Variants in CACNA2D4 observed in about 807,000 individuals in gnomAD.
CACNA2D4 encodes calcium voltage-gated channel auxiliary subunit alpha2delta 4.
Under a neutral mutation model 163.8 loss-of-function variants are expected in CACNA2D4, and 157 were observed. That is an observed-to-expected ratio of 0.96 (90% CI 0.84 to 1.09). The LOEUF is 1.09. CACNA2D4 is among the 50% of genes least tolerant of loss of function. CACNA2D4 has a pLI of 0.00. For missense variants in CACNA2D4, 1,410 were observed against 1,479.9 expected, an observed-to-expected ratio of 0.95 and a Z score of 0.78; for synonymous variants, 598 against 586.9, an observed-to-expected ratio of 1.02 and a Z score of -0.27.
chr12:1,800,164 C>A, intron 32 of CACNA2D4, 112 bp from the exon 33 acceptor site: 1 of 1,125,094 alleles, frequency 8.9e-7, no homozygotes, highest in Non-Finnish European at 1.3e-6. Context: ...CTCCAGGACA[C>A]CCTCTTCCCT....
chr12:1,876,275 A>C (rs746198444), intron 16 of CACNA2D4, among the ~76,000 whole-genome samples: 2 of 152,212 alleles, frequency 1.3e-5, no homozygotes, highest in African/African-American at 2.4e-5. Flanking sequence ...AAATATTTGA[A>C]TGGGACGGAG....
intron 6 of CACNA2D4, among the ~76,000 whole-genome samples, chr12:1,890,819 C>T (rs1170453889): frequency 6.6e-6 from 1 of 152,162 alleles, no homozygotes; most frequent in Non-Finnish European, 1.5e-5. Context: ...GCCCACTCTA[C>T]CATCGTTGGC....
At chr12:1,809,680 C>CA in intron 29 of CACNA2D4, 1 of 643,134 alleles carries the variant, frequency 1.6e-6, no homozygotes, top group Non-Finnish European at 2.8e-6. Context: ...GAGATACCCA[C>CA]AGCCAGCGGG....
Position 1,878,262 on chromosome 12 carries a change from A to G in CACNA2D4, c.1719+53T>C. On this transcript the variant is annotated intron_variant, in intron 16 of 37. Coordinates refer to ENST00000382722, the MANE Select transcript of CACNA2D4 (RefSeq NM_172364.5). This position sits in a 1 kb window ranked among gnomAD's most constrained non-coding sequence, Gnocchi z 4.6. ...GTTGTTTTAATCGTTTTTGTGAATT[A>G]CCCCCAAATCCCATACAGTAAGGAT... is the stretch of plus-strand genomic sequence containing the variant. 1 of 1,563,648 alleles carries G rather than the reference A, an allele frequency of 6.4e-7. No individual in the cohort carries two copies. The highest frequency in any genetic ancestry group is 1.2e-5 in the South Asian group (1 of 85,210).
At chr12:1,800,129 G>T in intron 32 of CACNA2D4, 77 bp from the exon 33 acceptor site, 1 of 1,410,376 alleles carries the variant, frequency 7.1e-7, no homozygotes, top group Non-Finnish European at 9.8e-7. Context: ...GAGTATCCCT[G>T]ACAGCCCCCG....
At chr12:1,890,926 G>A (rs1240990579) in intron 6 of CACNA2D4, among the ~76,000 whole-genome samples, 3 of 152,184 alleles carry the variant, frequency 2.0e-5, no homozygotes, top group Admixed American at 1.3e-4. Context: ...CCACTGTCCT[G>A]GGGACTGAAC....
chr12:1,879,860 T>C lies in CACNA2D4; in HGVS notation c.1507A>G (p.Ser503Gly). 2 of 1,600,838 alleles carry C rather than the reference T, an allele frequency of 1.2e-6. No homozygotes were observed. The highest frequency in any genetic ancestry group is 1.7e-6 in the Non-Finnish European group (2 of 1,173,898). ...DSKLLSSQAQ[S>G]LTLLTTVAMP... is the part of the protein sequence containing the mutation. ...GCCACAGTGGTGAGCAGTGTCAGGC[T>C]CTGAGCCTGCGAGCTGAGGAGCTGT... Residue 503 changes from serine to glycine, a missense_variant, in exon 14 of 38, where the codon AGC (serine) becomes GGC (glycine). Ser to Gly is a moderately conservative substitution (Grantham distance 56, BLOSUM62 0). Transcript: ENST00000382722.
In CACNA2D4 at chr12:1,827,854, G is replaced by A; in HGVS notation, c.2551+12885C>T. 3 of 366,270 alleles carry A rather than the reference G, an allele frequency of 8.2e-6. No individual in the cohort carries two copies. In the East Asian group the frequency reaches 1.2e-4, roughly 15 times the overall value. The allele number at this position is 366,270 out of a possible 1,614,324, so 22.7% of individuals were successfully genotyped here. ...TGCACCCCCAGCTTTGCGGCACTGT[G>A]CCCGACCCTCGGGCTCCTGGAAAGC... On this transcript the variant is annotated intron_variant, in intron 26 of 37. Coordinates refer to ENST00000382722, the MANE Select transcript of CACNA2D4 (RefSeq NM_172364.5).
chr12:1,886,042 G>A lies in CACNA2D4; in HGVS notation c.994-3C>T. 1.2e-6 allele frequency: 2 copies of A among 1,611,908 alleles called. No homozygotes were observed. Among genetic ancestry groups the A allele is most frequent in the Admixed American group, 3.3e-5 (2 of 59,998 alleles). On this transcript the variant is annotated splice_region_variant and splice_polypyrimidine_tract_variant and intron_variant, in intron 8 of 37. Coordinates refer to ENST00000382722, the MANE Select transcript of CACNA2D4 (RefSeq NM_172364.5). ...ATGTAATGGACGTAGTCATTGTACT[G>A]CAGTTGCAGTGAGTTGAGGGGAGGT...
chr12:1,918,190 G>A (rs541164752), intron 1 of CACNA2D4, 57 bp downstream of exon 1: 339 of 1,338,690 alleles, frequency 2.5e-4, no homozygotes, highest in Middle Eastern at 1.1e-3. Context: ...CCCAGCCCGG[G>A]AAGAAAGTGG....
rs1866693738 is a variant in CACNA2D4, at chr12:1,907,693, TGTGCCTGGTGGGC to T, written c.650-135_650-123del. 3.4e-6 allele frequency: 4 copies of T among 1,161,406 alleles called. No individual in the cohort carries two copies. The East Asian group carries it at 7.7e-5, about 22-fold the overall frequency. The allele number at this position is 1,161,406 out of a possible 1,614,324, so 71.9% of individuals were successfully genotyped here. On this transcript the variant is annotated intron_variant, in intron 5 of 37. Transcript: ENST00000382722. ...GTGTCTGGTAAGCGTGCCTGGTGGG[TGTGCCTGGTGGGC>T]GTGTCTGGTGGACGGCCTGGTGGGC...
rs1293615424 is a variant in CACNA2D4, at chr12:1,806,779, C to T, written c.2721+3499G>A. On this transcript the variant is annotated intron_variant, in intron 29 of 37. Coordinates refer to ENST00000382722, the MANE Select transcript of CACNA2D4 (RefSeq NM_172364.5). This position sits in a 1 kb window ranked among gnomAD's most constrained non-coding sequence, Gnocchi z 4.1. ...TTGAGTCCCTAGGTCTGGGGTGGGA[C>T]CCTGGCAAATCTGCATCTCTAACAA... is the stretch of plus-strand genomic sequence containing the variant. Among the ~76,000 whole-genome samples, 2 of 152,128 alleles carry T rather than the reference C, an allele frequency of 1.3e-5. No homozygotes were observed. Among genetic ancestry groups the T allele is most frequent in the Admixed American group, 6.5e-5 (1 of 15,270 alleles).
At chr12:1,887,159 C>A (rs1167711655) in intron 6 of CACNA2D4, 90 bp from the exon 7 acceptor site, 1 of 850,756 alleles carries the variant, frequency 1.2e-6, no homozygotes. Context: ...TGGCCATGAT[C>A]CCCAGGGCAG....
rs1863032057 is a variant in CACNA2D4, at chr12:1,793,521, C to T, written c.*134G>A. On this transcript the variant is annotated 3_prime_UTR_variant, in exon 38 of 38. Coordinates refer to ENST00000382722, the MANE Select transcript of CACNA2D4 (RefSeq NM_172364.5). ...CAGCATTCTCCGGAGCCAGGGGCCA[C>T]CAGCCCAGGATTGAGAGGAGCGTTG... 2 of 758,506 alleles carry T rather than the reference C, an allele frequency of 2.6e-6. No homozygotes were observed. 47.0% of individuals were successfully genotyped at this position (758,506 alleles called of 1,614,324 possible).
intron 26 of CACNA2D4, among the ~76,000 whole-genome samples, chr12:1,814,941 G>T (rs913610531): frequency 6.6e-6 from 1 of 152,220 alleles, no homozygotes; most frequent in Non-Finnish European, 1.5e-5. Context: ...CCAGGCTGGA[G>T]TGCAGTGGCA....
chr12:1,899,663 G>A (rs1227571693), intron 6 of CACNA2D4, among the ~76,000 whole-genome samples: 2 of 152,038 alleles, frequency 1.3e-5, no homozygotes, highest in Non-Finnish European at 2.9e-5. Context: ...AAAACATCAG[G>A]CCTATATGCT....
chr12:1,858,303 T>C (rs1865443485), intron 20 of CACNA2D4, among the ~76,000 whole-genome samples: 2 of 152,148 alleles, frequency 1.3e-5, no homozygotes, highest in East Asian at 1.9e-4. Context: ...TGACGGTCCT[T>C]CTAGTCCAGC....
intron 26 of CACNA2D4, among the ~76,000 whole-genome samples, chr12:1,821,101 G>A (rs534630354): frequency 2.6e-5 from 4 of 152,312 alleles, no homozygotes; most frequent in African/African-American, 9.6e-5. Context: ...TGACAGTCCC[G>A]GGTGGCATAG....
intron 5 of CACNA2D4, 122 bp from the exon 6 acceptor site, chr12:1,907,693 T>C (rs1481203849): frequency 2.2e-5 from 26 of 1,161,402 alleles, no homozygotes; most frequent in Middle Eastern, 2.1e-4. Flanking sequence ...GCCTGGTGGG[T>C]GTGCCTGGTG....
Sources: gnomAD v4.1 joint callset for allele counts (sites outside exome capture counted in the v4.1 genomes callset) on GRCh38, gnomAD v4.1.1 for gene constraint, Gnocchi (gnomAD v3.1) non-coding constraint, MANE v1.5 for transcripts, NCBI Gene and HGNC (gene_info 2026-07-23, HGNC 2026-07-21) for gene names.